Variants in SLC4A4 observed in about 807,000 individuals in gnomAD.
The protein encoded by SLC4A4 is solute carrier family 4 member 4, also known as electrogenic sodium bicarbonate cotransporter 1.
SLC4A4 carries 27 observed loss-of-function variants against 111.5 expected under a neutral mutation model. That is an observed-to-expected ratio of 0.24 (90% CI 0.18 to 0.33). SLC4A4 has a LOEUF of 0.33. SLC4A4 is among the 10% of genes least tolerant of loss of function. The pLI is 1.00. For missense variants in SLC4A4, 909 were observed against 1,315.5 expected, an observed-to-expected ratio of 0.69 and a Z score of 4.78; for synonymous variants, 443 against 463.4, an observed-to-expected ratio of 0.96 and a Z score of 0.57.
chr4:71,204,509 G>A (rs2579304), intron 1 of SLC4A4, among the ~76,000 whole-genome samples: 151,483 of 152,334 alleles, frequency 0.99, 75,327 homozygotes, highest in Middle Eastern at 1. Flanking sequence ...TTCCATACAG[G>A]TTTCACTTTT....
chr4:71,505,166 T>C (rs1731297048), intron 16 of SLC4A4, among the ~76,000 whole-genome samples: 1 of 152,202 alleles, frequency 6.6e-6, no homozygotes, highest in African/African-American at 2.4e-5. Context: ...GCCTTTGATA[T>C]TGTGAATAGT....
chr4:71,203,908 T>C (rs1746365156), intron 1 of SLC4A4, among the ~76,000 whole-genome samples: 1 of 145,426 alleles, frequency 6.9e-6, no homozygotes, highest in African/African-American at 2.7e-5. Context: ...GTGACATGTT[T>C]AGTAAACTCA....
At chr4:71,513,007 A>T (rs975127078) in intron 16 of SLC4A4, among the ~76,000 whole-genome samples, 11 of 152,094 alleles carry the variant, frequency 7.2e-5, no homozygotes, top group African/African-American at 2.4e-4. Flanking sequence ...TTTTATAGCA[A>T]TACTATGCTG....
chr4:71,218,375 T>C (rs1219228076), intron 1 of SLC4A4, among the ~76,000 whole-genome samples: 1 of 152,228 alleles, frequency 6.6e-6, no homozygotes, highest in Admixed American at 6.5e-5. Flanking sequence ...CTAATTTCAG[T>C]CACTTGTTTG....
chr4:71,348,193 A>G (rs971238488), intron 4 of SLC4A4, among the ~76,000 whole-genome samples: 2 of 152,146 alleles, frequency 1.3e-5, no homozygotes, highest in Non-Finnish European at 2.9e-5. Flanking sequence ...ATTACCTTTT[A>G]CAGTTTTGGT....
At chr4:71,306,053 G>T (rs767739725) in intron 3 of SLC4A4, among the ~76,000 whole-genome samples, 32 of 152,208 alleles carry the variant, frequency 2.1e-4, no homozygotes, top group Non-Finnish European at 3.7e-4. Flanking sequence ...AGCTGGACTT[G>T]TTTTCAACAA....
At chr4:71,293,250 C>T (rs1724519110) in intron 3 of SLC4A4, among the ~76,000 whole-genome samples, 1 of 151,272 alleles carries the variant, frequency 6.6e-6, no homozygotes, top group African/African-American at 2.4e-5. Context: ...TTAGGAGAAA[C>T]ACAAGTATTA....
intron 2 of SLC4A4, among the ~76,000 whole-genome samples, chr4:71,248,560 C>A (rs1451563701): frequency 6.6e-6 from 1 of 151,986 alleles, no homozygotes; most frequent in East Asian, 1.9e-4. Flanking sequence ...TCTTCAGGAA[C>A]TGCAGTTTAC....
At chr4:71,331,559 C>G (rs1727993896) in intron 3 of SLC4A4, among the ~76,000 whole-genome samples, 1 of 135,338 alleles carries the variant, frequency 7.4e-6, no homozygotes, top group Non-Finnish European at 1.5e-5. Flanking sequence ...GGAAGGGGAA[C>G]ATCACACACT....
intron 1 of SLC4A4, among the ~76,000 whole-genome samples, chr4:71,197,394 G>A (rs1746055966): frequency 6.6e-6 from 1 of 152,112 alleles, no homozygotes; most frequent in Non-Finnish European, 1.5e-5. Flanking sequence ...TAGTTTCTTG[G>A]AAAAATTAAT....
chr4:71,244,781 T>TA (rs1233501834), intron 2 of SLC4A4, among the ~76,000 whole-genome samples: 1 of 151,706 alleles, frequency 6.6e-6, no homozygotes, highest in Non-Finnish European at 1.5e-5. Context: ...TGCTTTTTTT[T>TA]TTTTTCTTTA....
intron 1 of SLC4A4, among the ~76,000 whole-genome samples, chr4:71,216,271 T>C (rs1000578286): frequency 2.6e-5 from 4 of 152,254 alleles, no homozygotes; most frequent in African/African-American, 9.6e-5. Context: ...ATGTGTTAAC[T>C]GAAATAACAT....
intron 1 of SLC4A4, among the ~76,000 whole-genome samples, chr4:71,067,771 G>A (rs1479074726): frequency 1.3e-5 from 2 of 149,702 alleles, no homozygotes; most frequent in East Asian, 3.9e-4. Context: ...TTTTTGAGTT[G>A]GGGGTCTCAC....
At chr4:71,425,116 G>A (rs1722996319) in intron 7 of SLC4A4, among the ~76,000 whole-genome samples, 1 of 152,060 alleles carries the variant, frequency 6.6e-6, no homozygotes, top group African/African-American at 2.4e-5. Flanking sequence ...TTTAGAAATG[G>A]AATGTTGAGG....
chr4:71,111,897 A>G (rs1485625860), intron 2 of SLC4A4, among the ~76,000 whole-genome samples: 1 of 151,682 alleles, frequency 6.6e-6, no homozygotes, highest in Non-Finnish European at 1.5e-5. Context: ...GGGTTTCACC[A>G]TGTTGGCCAG....
At chr4:71,152,886 A>T (rs999696763) in intron 2 of SLC4A4, among the ~76,000 whole-genome samples, 1 of 151,482 alleles carries the variant, frequency 6.6e-6, no homozygotes, top group Non-Finnish European at 1.5e-5. Context: ...GAATTATTTT[A>T]TCCTCAGGAA....
At chr4:71,177,151 C>A (rs1304487646) in intron 2 of SLC4A4, among the ~76,000 whole-genome samples, 2 of 152,094 alleles carry the variant, frequency 1.3e-5, no homozygotes, top group African/African-American at 2.4e-5. Context: ...CACCACCAGG[C>A]CTGCCCTAAA....
intron 6 of SLC4A4, among the ~76,000 whole-genome samples, chr4:71,389,296 C>T (rs1719054641): frequency 6.6e-6 from 1 of 152,194 alleles, no homozygotes; most frequent in South Asian, 2.1e-4. Flanking sequence ...TTGGCTTCAA[C>T]TTTACTCACA....
At chr4:71,145,635 G>T (rs6447023) in intron 2 of SLC4A4, among the ~76,000 whole-genome samples, 5 of 151,998 alleles carry the variant, frequency 3.3e-5, no homozygotes, top group African/African-American at 1.2e-4. Flanking sequence ...GCCTGTTATT[G>T]GTGTATTCAG....
Sources: gnomAD v4.1 joint callset for allele counts (sites outside exome capture counted in the v4.1 genomes callset) on GRCh38, gnomAD v4.1.1 for gene constraint, MANE v1.5 for transcripts, NCBI Gene and HGNC (gene_info 2026-07-23, HGNC 2026-07-21) for gene names.